The following ME3 variants were observed in gnomAD, a reference collection of about 807,000 sequenced individuals.
The protein encoded by ME3 is NADP-dependent malic enzyme, mitochondrial.
ME3 carries 48 observed loss-of-function variants against 68.9 expected under a neutral mutation model. That is an observed-to-expected ratio of 0.70 (90% CI 0.55 to 0.89). The LOEUF is 0.89. ME3 is among the 40% of genes least tolerant of loss of function. The pLI is 0.00. For missense variants in ME3, 675 were observed against 797.4 expected, an observed-to-expected ratio of 0.85 and a Z score of 1.85; for synonymous variants, 320 against 318.8, an observed-to-expected ratio of 1.00 and a Z score of -0.04.
chr11:86,544,130 A>G (rs1234760062), intron 4 of ME3, among the ~76,000 whole-genome samples: 1 of 152,226 alleles, frequency 6.6e-6, no homozygotes, highest in Non-Finnish European at 1.5e-5. Flanking sequence ...ACAACGTACC[A>G]GAATCTCTGG....
At chr11:86,565,251 A>G (rs1459381633) in intron 2 of ME3, among the ~76,000 whole-genome samples, 1 of 152,214 alleles carries the variant, frequency 6.6e-6, no homozygotes, top group East Asian at 1.9e-4. Flanking sequence ...ACATGTGGAG[A>G]AATGAAAACT....
Position 86,656,842 on chromosome 11 carries a change from G to T in ME3, c.183+14920C>A, listed in dbSNP as rs572402732. Among the ~76,000 whole-genome samples, 3 of 143,840 alleles carry T rather than the reference G, an allele frequency of 2.1e-5. No individual in the cohort carries two copies. In the East Asian group the frequency reaches 5.8e-4, roughly 28 times the overall value. 94.4% of individuals were successfully genotyped at this position (143,840 alleles called of 152,430 possible). Reference sequence around the variant, plus strand: ...ACTTCTCTAAAGAAGACACTAATGCGGCTGATAAACATATGAAAAAAAAAA... The same window carrying T: ...ACTTCTCTAAAGAAGACACTAATGCTGCTGATAAACATATGAAAAAAAAAA... On this transcript the variant is annotated intron_variant, in intron 2 of 14. Transcript: ENST00000543262.
At chr11:86,501,903 G>A (rs1952750009) in intron 5 of ME3, among the ~76,000 whole-genome samples, 1 of 152,110 alleles carries the variant, frequency 6.6e-6, no homozygotes, top group African/African-American at 2.4e-5. Context: ...CTCCTAACTG[G>A]TCTCTCTACT....
intron 6 of ME3, among the ~76,000 whole-genome samples, chr11:86,491,435 C>T (rs1055196593): frequency 2.6e-5 from 4 of 152,152 alleles, no homozygotes; most frequent in Middle Eastern, 3.2e-3. Context: ...ACTTGCAGAC[C>T]GGGCTGGGGA....
intron 7 of ME3, among the ~76,000 whole-genome samples, chr11:86,472,351 G>A (rs1950829812): frequency 1.3e-5 from 2 of 152,194 alleles, no homozygotes; most frequent in African/African-American, 4.8e-5. Context: ...TAGGCAGGAA[G>A]GTGGCGGGTG....
At chr11:86,505,260 G>T (rs73525733) in intron 5 of ME3, among the ~76,000 whole-genome samples, 140 of 150,468 alleles carry the variant, frequency 9.3e-4, no homozygotes, top group African/African-American at 1.8e-3. Context: ...ACCTAGGGGT[G>T]GGGGGGGAGG....
intron 5 of ME3, among the ~76,000 whole-genome samples, chr11:86,504,990 C>T (rs1430204978): frequency 6.6e-6 from 1 of 152,226 alleles, no homozygotes; most frequent in Non-Finnish European, 1.5e-5. Flanking sequence ...CATGCACAGT[C>T]TCACTCCTAC....
chr11:86,641,036 T>G (rs1471678461), intron 2 of ME3, among the ~76,000 whole-genome samples: 5 of 140,134 alleles, frequency 3.6e-5, no homozygotes, highest in Admixed American at 7.2e-5. Context: ...TCAATTTCAC[T>G]GGGGGGGGGG....
intron 4 of ME3, among the ~76,000 whole-genome samples, chr11:86,522,267 A>G (rs1954375313): frequency 6.6e-6 from 1 of 151,918 alleles, no homozygotes; most frequent in Admixed American, 6.6e-5. Context: ...CAAACAAACA[A>G]ACAAACAAAA....
intron 2 of ME3, among the ~76,000 whole-genome samples, chr11:86,621,624 C>T (rs577782560): frequency 6.6e-6 from 1 of 151,558 alleles, no homozygotes; most frequent in African/African-American, 2.4e-5. Context: ...CAACTTTGAA[C>T]TTGTTTTTGT....
chr11:86,598,914 C>T (rs1036281993), intron 2 of ME3, among the ~76,000 whole-genome samples: 15 of 152,288 alleles, frequency 9.8e-5, no homozygotes, highest in South Asian at 2.1e-4. Flanking sequence ...GGAAAACTAA[C>T]GAACAGAAAG....
intron 7 of ME3, among the ~76,000 whole-genome samples, chr11:86,476,622 T>A (rs1425190120): frequency 5.3e-5 from 8 of 152,100 alleles, no homozygotes; most frequent in African/African-American, 1.7e-4. Flanking sequence ...CAAAAAAATA[T>A]AAGAACACCT....
At chr11:86,664,083 T>G (rs538406073) in intron 2 of ME3, among the ~76,000 whole-genome samples, 2 of 152,344 alleles carry the variant, frequency 1.3e-5, no homozygotes, top group African/African-American at 4.8e-5. Flanking sequence ...CAGAGGGATC[T>G]CCACCTATAT....
chr11:86,644,829 C>T (rs929390987), intron 2 of ME3, among the ~76,000 whole-genome samples: 4 of 152,298 alleles, frequency 2.6e-5, no homozygotes, highest in South Asian at 2.1e-4. Context: ...ACACAGAAGG[C>T]GGGTGATTTC....
chr11:86,479,095 G>A (rs1275616398), intron 7 of ME3, among the ~76,000 whole-genome samples: 1 of 152,178 alleles, frequency 6.6e-6, no homozygotes, highest in African/African-American at 2.4e-5. Flanking sequence ...CCCCATATGG[G>A]CAGGCACCAT....
intron 4 of ME3, among the ~76,000 whole-genome samples, chr11:86,541,494 G>A (rs1359369708): frequency 1.3e-5 from 2 of 152,214 alleles, no homozygotes; most frequent in Non-Finnish European, 1.5e-5. Flanking sequence ...GGTTTGAGTA[G>A]GTGGTTTTCC....
At chr11:86,555,642 G>A (rs570598776) in intron 4 of ME3, among the ~76,000 whole-genome samples, 72 of 152,300 alleles carry the variant, frequency 4.7e-4, no homozygotes, top group Non-Finnish European at 4.4e-5. Context: ...GACTGGCATT[G>A]GGAACACACT....
intron 7 of ME3, among the ~76,000 whole-genome samples, chr11:86,479,237 C>A (rs1482130956): frequency 6.6e-6 from 1 of 152,176 alleles, no homozygotes; most frequent in African/African-American, 2.4e-5. Context: ...CCTTCTGACT[C>A]CAGGATGTGC....
chr11:86,497,989 G>T (rs1340277542), exon 6 of ME3: 1 of 1,608,446 alleles, frequency 6.2e-7, no homozygotes, highest in South Asian at 1.1e-5. Flanking sequence ...ACGTCCAGCA[G>T]CACAGGGAGG....
Sources: gnomAD v4.1 joint callset for allele counts (sites outside exome capture counted in the v4.1 genomes callset) on GRCh38, gnomAD v4.1.1 for gene constraint, MANE v1.5 for transcripts, NCBI Gene and HGNC (gene_info 2026-07-23, HGNC 2026-07-21) for gene names.